Variants in SLC29A2 observed in about 807,000 individuals in gnomAD.
SLC29A2 encodes solute carrier family 29 member 2, also known as equilibrative nucleoside transporter 2.
SLC29A2 carries 37 observed loss-of-function variants against 48.8 expected under a neutral mutation model. That is an observed-to-expected ratio of 0.76 (90% CI 0.58 to 1.00). The LOEUF (loss-of-function observed/expected upper bound fraction) is 1.00, where lower values mean the gene tolerates loss of function less well. Ranked by LOEUF, SLC29A2 falls within the 50% of genes least tolerant of loss-of-function variation. SLC29A2 has a pLI of 0.00. For synonymous variants in SLC29A2, 233 were observed against 261.7 expected (o/e 0.89, Z 1.06); for missense variants, 533 against 578.6 (o/e 0.92, Z 0.81).
At chr11:66,363,642 C>G (rs773575863) in intron 11 of SLC29A2, 95 bp from the exon 12 acceptor site, 2 of 894,798 alleles carry the variant, frequency 2.2e-6, no homozygotes, top group Non-Finnish European at 3.6e-6. Flanking sequence ...GGGCTCTGAC[C>G]CAACCCCTCT....
intron 5 of SLC29A2, 98 bp from the exon 6 acceptor site, chr11:66,367,967 G>A (rs1477271829): frequency 4.4e-6 from 4 of 903,436 alleles, no homozygotes; most frequent in Non-Finnish European, 7.2e-6. Flanking sequence ...GTACTTCTCA[G>A]ACCCACTCCC....
At chr11:66,368,773 G>T in intron 4 of SLC29A2, 102 bp from the exon 5 acceptor site, 5 of 1,481,596 alleles carry the variant, frequency 3.4e-6, no homozygotes, top group Non-Finnish European at 4.6e-6. Flanking sequence ...GGACAAGGTT[G>T]CGCAGGTGTG....
chr11:66,371,371 C>A, intron 1 of SLC29A2, 46 bp from the exon 2 acceptor site: 1 of 1,592,742 alleles, frequency 6.3e-7, no homozygotes, highest in Non-Finnish European at 8.6e-7. Flanking sequence ...CACCCGCCTC[C>A]GCAGGCCCTC....
At chr11:66,366,676 A>T (rs1855718665) in intron 7 of SLC29A2, 112 bp from the exon 8 acceptor site, 1 of 1,176,822 alleles carries the variant, frequency 8.5e-7, no homozygotes, top group Non-Finnish European at 1.2e-6. Context: ...TCAGCTCAGC[A>T]TGGTGGCTCA....
intron 3 of SLC29A2, 81 bp downstream of exon 3, chr11:66,369,288 G>C (rs1855891530): frequency 6.2e-7 from 1 of 1,600,214 alleles, no homozygotes; most frequent in Non-Finnish European, 8.5e-7. Flanking sequence ...GGGCAGTAGG[G>C]CTGGGGGGCA....
chr11:66,366,616 ACAGC>A, intron 7 of SLC29A2, 52 bp from the exon 8 acceptor site: 1 of 1,599,506 alleles, frequency 6.3e-7, no homozygotes, highest in Non-Finnish European at 8.5e-7. Flanking sequence ...AGGTTTCCCG[ACAGC>A]CAGGCCCAAC....
chr11:66,367,981 C>A, intron 5 of SLC29A2, 112 bp from the exon 6 acceptor site: 1 of 792,964 alleles, frequency 1.3e-6, no homozygotes, highest in Non-Finnish European at 2.2e-6. Context: ...CACTCCCAGC[C>A]TCTTCCGCTC....
In SLC29A2 at chr11:66,369,127, C is replaced by T; in HGVS notation, c.348G>A (p.Leu116=). The T allele has an allele frequency of 6.3e-7, 1 of 1,589,752 alleles. No homozygotes were observed. The highest frequency in any genetic ancestry group is 8.6e-7 in the Non-Finnish European group (1 of 1,168,382). ...ILLLFALTAA[L]VKVDMSPGPF... ...GTCCGGGGCTCATGTCCACCTTGAC[C>T]AGCGCTGCTGTCAGGGCAAAGAGCA... The change falls in exon 4 of 12, where the codon CTG becomes CTA. Residue 116 remains leucine (L), a synonymous_variant. Transcript: ENST00000357440.
chr11:66,371,149 C>A lies in SLC29A2; in HGVS notation c.111+95G>T, dbSNP rs145388590. Reference sequence around the variant, plus strand: ...TGAGCTCAACGAGGGGTCACAGGTGCGCGGTGAGGAAGCGCCCGCTAAGCT... The same window carrying A: ...TGAGCTCAACGAGGGGTCACAGGTGAGCGGTGAGGAAGCGCCCGCTAAGCT... On this transcript the variant is annotated intron_variant, in intron 2 of 11. Transcript: ENST00000357440. 3.2e-4 allele frequency: 344 copies of A among 1,079,080 alleles called. 4 individuals carry two copies. In the African/African-American group the frequency reaches 4.6e-3, roughly 15 times the overall value. 66.8% of individuals were successfully genotyped at this position (1,079,080 alleles called of 1,614,324 possible).
intron 10 of SLC29A2, among the ~76,000 whole-genome samples, chr11:66,365,704 G>T (rs919710510): frequency 3.9e-5 from 6 of 152,208 alleles, no homozygotes; most frequent in African/African-American, 9.7e-5. Flanking sequence ...AGCAGCAAAG[G>T]CTGGATGCTG....
Position 66,371,528 on chromosome 11 carries a change from CCCCGGCCACTTGCAACGCA to C in SLC29A2, c.29+16_29+34del. On this transcript the variant is annotated intron_variant, in intron 1 of 11. Coordinates refer to ENST00000357440, the MANE Select transcript of SLC29A2 (RefSeq NM_001532.3). ...CCTTCAGGGAGCGGGTCTGCAACGCCCCCGGCCACTTGCAACGCACCCGGGCCCACTCACCTGTCCCGCG... is the reference window on the plus strand; with the variant it reads ...CCTTCAGGGAGCGGGTCTGCAACGCCCCCGGGCCCACTCACCTGTCCCGCG... The C allele has an allele frequency of 6.5e-7, 1 of 1,549,654 alleles. No homozygotes were observed. Among genetic ancestry groups the C allele is most frequent in the Non-Finnish European group, 8.7e-7 (1 of 1,146,652 alleles).
At position 66,364,366 on chromosome 11, in the gene SLC29A2, G is replaced by A. The variant is rs760359804; in HGVS notation, c.1118C>T (p.Pro373Leu). Reference sequence around the variant, plus strand: ...GGGCACGTGGCACAGCATGAAGAGGGGCACGAACAGGAACCGCAGGCAGAC... The same window carrying A: ...GGGCACGTGGCACAGCATGAAGAGGAGCACGAACAGGAACCGCAGGCAGAC... ...LLVCLRFLFVPLFMLCHVPQR... is the reference protein window; with the variant it reads ...LLVCLRFLFVLLFMLCHVPQR... The change falls in exon 11 of 12, where the codon CCC becomes CTC. Residue 373 changes from proline (P) to leucine (L), a missense_variant. By Grantham distance (98) the Pro-to-Leu change is moderately conservative (BLOSUM62 -3). Transcript: ENST00000357440. 4.3e-6 allele frequency: 7 copies of A among 1,613,940 alleles called. No homozygotes were observed. The highest frequency in any genetic ancestry group is 2.2e-5 in the South Asian group (2 of 91,056).
Position 66,365,937 on chromosome 11 carries a change from C to T in SLC29A2, c.1058G>A (p.Trp353Ter), listed in dbSNP as rs1417498371. 3 of 1,613,540 alleles carry T rather than the reference C, an allele frequency of 1.9e-6. No individual in the cohort carries two copies. The African/African-American group carries it at 4.0e-5, about 22-fold the overall frequency. The change falls in exon 10 of 12, where the codon TGG becomes TAG. Residue 353 changes from tryptophan (W) to a stop codon, truncating the protein, a stop_gained and splice_region_variant. Coordinates refer to ENST00000357440, the MANE Select transcript of SLC29A2 (RefSeq NM_001532.3). LOFTEE classifies it high-confidence loss of function. The part of the protein sequence containing the change: ...LGRSLTSYFL[W>*]PDEDSRLLPL... ...ATCACCCAGCCCTGGTGTGCTTACC[C>T]ACAGGAAGTAAGAGGTCAGGCTCCG...
chr11:66,371,261 A>C lies in SLC29A2; in HGVS notation c.94T>G (p.Phe32Val). 6.2e-7 allele frequency: 1 copy of C among 1,613,856 alleles called. No homozygotes were observed. The highest frequency in any genetic ancestry group is 8.5e-7 in the Non-Finnish European group (1 of 1,179,996). ...GLGTLLPWNF[F>V]ITAIPYFQAR... ...AGTCTCACCGGGATGGCGGTGATGA[A>C]GAAGTTCCAGGGAAGGAGGGTGCCC... The change falls in exon 2 of 12, where the codon TTC (phenylalanine) becomes GTC (valine). Residue 32 changes from phenylalanine to valine, a missense_variant. By Grantham distance (50) the Phe-to-Val change is conservative. Coordinates refer to ENST00000357440, the MANE Select transcript of SLC29A2 (RefSeq NM_001532.3).
At position 66,363,310 on chromosome 11, in the gene SLC29A2, A is replaced by AG. The variant is rs1855478252; in HGVS notation, c.*125dup. On this transcript the variant is annotated 3_prime_UTR_variant, in exon 12 of 12. Transcript: ENST00000357440. Reference sequence around the variant, plus strand: ...AGAGCAGCTCCTGCCCGCTGCTGGCAGCCTCAGGCCCAGGGGCCTCCACCC... The same window carrying AG: ...AGAGCAGCTCCTGCCCGCTGCTGGCAGGCCTCAGGCCCAGGGGCCTCCACCC... 1 of 747,702 alleles carries AG rather than the reference A, an allele frequency of 1.3e-6. No individual in the cohort carries two copies. Among genetic ancestry groups the AG allele is most frequent in the African/African-American group, 1.7e-5 (1 of 57,576 alleles). 46.3% of individuals were successfully genotyped at this position (747,702 alleles called of 1,614,324 possible).
At position 66,368,603 on chromosome 11, in the gene SLC29A2, G is replaced by A. The variant is rs575865317; in HGVS notation, c.484C>T (p.Leu162Phe). ...GCCAGGCCCTGGCCGCTGAGGAAGA[G>A]GGTGCTGTAGGTGGAGGGCATGGTG... ...LGTMPSTYSTLFLSGQGLAGI... is the reference protein window; with the variant it reads ...LGTMPSTYSTFFLSGQGLAGI... The change falls in exon 5 of 12, where the codon CTC becomes TTC. Residue 162 changes from leucine to phenylalanine, a missense_variant. Physicochemically the swap from Leu to Phe is conservative, Grantham distance 22. Transcript: ENST00000357440. 31 of 1,608,974 alleles carry A rather than the reference G, an allele frequency of 1.9e-5. No individual in the cohort carries two copies. Among genetic ancestry groups the A allele is most frequent in the Non-Finnish European group, 2.3e-5 (27 of 1,177,782 alleles).
In SLC29A2 at chr11:66,363,376, G is replaced by A. The variant is rs117647993; in HGVS notation, c.*60C>T. 8.5e-3 allele frequency: 11,707 copies of A among 1,374,816 alleles called. 55 individuals carry two copies. Among genetic ancestry groups the A allele is most frequent in the Non-Finnish European group, 0.01 (9,834 of 968,018 alleles). 85.2% of individuals were successfully genotyped at this position (1,374,816 alleles called of 1,614,324 possible). On this transcript the variant is annotated 3_prime_UTR_variant, in exon 12 of 12. Coordinates refer to ENST00000357440, the MANE Select transcript of SLC29A2 (RefSeq NM_001532.3). ...CAAGCTCGCCATTCGCCCTGGGCTG[G>A]ATCTCAGCTCCGGAAGGAGACGTCG...
chr11:66,366,203 A>G lies in SLC29A2; in HGVS notation c.896T>C (p.Leu299Ser), dbSNP rs199671668. ...KIWLTALCLV[L>S]VFTVTLSVFP... is the part of the protein sequence containing the mutation. ...GACGGACAGGGTGACTGTGAAGACCAACACAAGGCACAGCGCTGTCAGCCA... is the reference window on the plus strand; with the variant it reads ...GACGGACAGGGTGACTGTGAAGACCGACACAAGGCACAGCGCTGTCAGCCA... The change falls in exon 9 of 12, where the codon TTG becomes TCG. Residue 299 changes from leucine (L) to serine (S), a missense_variant. Leu to Ser is a moderately radical substitution (Grantham distance 145). Transcript: ENST00000357440. 1 of 1,614,182 alleles carries G rather than the reference A, an allele frequency of 6.2e-7. No individual in the cohort carries two copies. Among genetic ancestry groups the G allele is most frequent in the Admixed American group, 1.7e-5 (1 of 60,018 alleles).
rs749286699 is a variant in SLC29A2, at chr11:66,362,691, C to T, written c.*745G>A. 1 of 152,290 alleles carries T rather than the reference C, an allele frequency of 6.6e-6. No homozygotes were observed. The highest frequency in any genetic ancestry group is 1.5e-5 in the Non-Finnish European group (1 of 68,128). 9.4% of individuals were successfully genotyped at this position (152,290 alleles called of 1,614,324 possible). On this transcript the variant is annotated 3_prime_UTR_variant, in exon 12 of 12. Coordinates refer to ENST00000357440, the MANE Select transcript of SLC29A2 (RefSeq NM_001532.3). ...GGAGAGAGAGGGGATTGGGTCCCGGCTCTACCACGGACCAGTCACTTTCCC... is the reference window on the plus strand; with the variant it reads ...GGAGAGAGAGGGGATTGGGTCCCGGTTCTACCACGGACCAGTCACTTTCCC...
Sources: allele counts gnomAD v4.1 joint callset (sites outside exome capture counted in the v4.1 genomes callset), GRCh38; gene constraint gnomAD v4.1.1; transcripts MANE v1.5; gene names NCBI Gene and HGNC (gene_info 2026-07-23, HGNC 2026-07-21).